GTF2E1: variants seen among roughly 807,000 people sequenced by gnomAD.
GTF2E1 encodes TFIIE alpha subunit.
A neutral mutation model predicts 34.9 loss-of-function variants in GTF2E1; 14 were observed. The observed-to-expected ratio is 0.40, with a 90% CI of 0.27 to 0.63. The LOEUF (loss-of-function observed/expected upper bound fraction) is 0.63, where lower values mean the gene tolerates loss of function less well. GTF2E1 is among the 20% of genes least tolerant of loss of function. GTF2E1 has a pLI of 0.39. For missense variants in GTF2E1, 469 were observed against 557.7 expected, an observed-to-expected ratio of 0.84 and a Z score of 1.60; for synonymous variants, 188 against 192.9, an observed-to-expected ratio of 0.97 and a Z score of 0.21.
intron 1 of GTF2E1, 74 bp downstream of exon 1, chr3:120,742,868 C>A: frequency 3.0e-6 from 1 of 330,982 alleles, no homozygotes; most frequent in Non-Finnish European, 5.8e-6. Context: ...TTCTTCCTTT[C>A]GCTCCCTCTT....
At chr3:120,758,018 G>T (rs1479986581) in intron 2 of GTF2E1, among the ~76,000 whole-genome samples, 1 of 152,106 alleles carries the variant, frequency 6.6e-6, no homozygotes, top group East Asian at 1.9e-4. Context: ...CAAAAAGCCA[G>T]GTGTGGTGGC....
chr3:120,745,685 C>G (rs1170704388), intron 1 of GTF2E1, among the ~76,000 whole-genome samples: 1 of 152,176 alleles, frequency 6.6e-6, no homozygotes, highest in African/African-American at 2.4e-5. Context: ...ATCCTGGAAA[C>G]AGGTTATGTT....
Position 120,770,945 on chromosome 3 carries a change from G to T in GTF2E1, c.650+16G>T. The stretch of plus-strand genomic sequence containing the variant: ...TGAAACAGAGGTGAGTGTAGGCCCT[G>T]TGCTCTTACTAAGAACACATTTCAA... On this transcript the variant is annotated intron_variant, in intron 3 of 4. Transcript: ENST00000283875. 6.2e-7 allele frequency: 1 copy of T among 1,603,638 alleles called. No individual in the cohort carries two copies. Among genetic ancestry groups the T allele is most frequent in the Non-Finnish European group, 8.5e-7 (1 of 1,170,610 alleles).
chr3:120,752,494 T>A (rs1310441954), intron 2 of GTF2E1, among the ~76,000 whole-genome samples: 2 of 152,198 alleles, frequency 1.3e-5, no homozygotes, highest in Non-Finnish European at 2.9e-5. Flanking sequence ...ATAACATGCT[T>A]CTACTACATT....
At chr3:120,745,389 A>G (rs1331126723) in intron 1 of GTF2E1, among the ~76,000 whole-genome samples, 4 of 152,154 alleles carry the variant, frequency 2.6e-5, no homozygotes, top group African/African-American at 9.7e-5. Flanking sequence ...AAACAGGCTG[A>G]GCAATAAGTG....
At chr3:120,755,665 A>G (rs185502905) in intron 2 of GTF2E1, among the ~76,000 whole-genome samples, 190 of 152,292 alleles carry the variant, frequency 1.2e-3, no homozygotes, top group African/African-American at 4.4e-3. Context: ...TTTTAAATGT[A>G]TAATTATTGA....
At chr3:120,762,550 C>G (rs976966589) in intron 2 of GTF2E1, among the ~76,000 whole-genome samples, 3 of 152,168 alleles carry the variant, frequency 2.0e-5, no homozygotes, top group Admixed American at 1.3e-4. Context: ...GCTTGGTCAA[C>G]TTTTCATAAT....
rs1709458839 is a variant in GTF2E1, at chr3:120,782,726, ACAT to A, written c.*1260_*1262del. The A allele has an allele frequency of 6.6e-6, 1 of 152,146 alleles. No individual in the cohort carries two copies. Among genetic ancestry groups the A allele is most frequent in the Admixed American group, 6.5e-5 (1 of 15,276 alleles). 9.4% of individuals were successfully genotyped at this position (152,146 alleles called of 1,614,324 possible). A position where few individuals can be genotyped will look rare whatever the true frequency, so the allele number is the denominator to read the frequency against. On this transcript the variant is annotated 3_prime_UTR_variant, in exon 5 of 5. Transcript: ENST00000283875. ...TCTCTGTCACTCTCCCTCTTTCTAA[ACAT>A]CATTGAAGGCTGTCTCTCTTTTAAT...
At chr3:120,755,754 C>T (rs1277086908) in intron 2 of GTF2E1, among the ~76,000 whole-genome samples, 1 of 151,990 alleles carries the variant, frequency 6.6e-6, no homozygotes, top group Non-Finnish European at 1.5e-5. Context: ...GTTAGCCATC[C>T]CCCATCCCTA....
At chr3:120,779,277 ATAT>A (rs1709427503) in intron 4 of GTF2E1, among the ~76,000 whole-genome samples, 1 of 152,090 alleles carries the variant, frequency 6.6e-6, no homozygotes, top group African/African-American at 2.4e-5. Context: ...TACTGTGTTG[ATAT>A]TATTAAACTA....
At chr3:120,771,021 T>C in intron 3 of GTF2E1, 92 bp downstream of exon 3, 5 of 1,000,206 alleles carry the variant, frequency 5.0e-6, no homozygotes, top group Non-Finnish European at 6.4e-6. Context: ...GTGGGTAATT[T>C]ACTAGGAGAC....
chr3:120,751,192 G>C, intron 2 of GTF2E1, 192 bp downstream of exon 2: 1 of 520,370 alleles, frequency 1.9e-6, no homozygotes, highest in East Asian at 3.0e-5. Context: ...TTTGCAAAGC[G>C]TTTCTCCTTT....
At chr3:120,744,656 G>A (rs571441715) in intron 1 of GTF2E1, among the ~76,000 whole-genome samples, 1 of 151,458 alleles carries the variant, frequency 6.6e-6, no homozygotes, top group East Asian at 1.9e-4. Context: ...TTTTTTTTCT[G>A]TAATAACTTT....
intron 2 of GTF2E1, among the ~76,000 whole-genome samples, chr3:120,754,479 C>T (rs919138845): frequency 1.3e-5 from 2 of 151,994 alleles, no homozygotes; most frequent in Non-Finnish European, 2.9e-5. Context: ...TTTCCTTTCC[C>T]CTCCTTTTGG....
intron 1 of GTF2E1, among the ~76,000 whole-genome samples, chr3:120,745,455 T>C (rs1050619638): frequency 6.6e-6 from 1 of 152,124 alleles, no homozygotes; most frequent in Non-Finnish European, 1.5e-5. Context: ...ATAGGGACTT[T>C]TGCTGCATAG....
chr3:120,766,150 A>T (rs1277120807), intron 2 of GTF2E1, among the ~76,000 whole-genome samples: 1 of 152,124 alleles, frequency 6.6e-6, no homozygotes, highest in Non-Finnish European at 1.5e-5. Flanking sequence ...TAGGCATCAG[A>T]ATTCCTTGTG....
chr3:120,762,852 T>C (rs1709276196), intron 2 of GTF2E1, among the ~76,000 whole-genome samples: 1 of 152,208 alleles, frequency 6.6e-6, no homozygotes, highest in Admixed American at 6.5e-5. Context: ...ACTCTAGTTT[T>C]ATACTTACTC....
chr3:120,759,491 T>C (rs1300653986), intron 2 of GTF2E1, among the ~76,000 whole-genome samples: 1 of 152,198 alleles, frequency 6.6e-6, no homozygotes, highest in Non-Finnish European at 1.5e-5. Flanking sequence ...ACTTTTGGTG[T>C]TTTAGTCATG....
intron 1 of GTF2E1, 60 bp downstream of exon 1, chr3:120,742,854 T>TTTC (rs1709068506): frequency 5.8e-6 from 2 of 345,976 alleles, no homozygotes; most frequent in South Asian, 5.3e-5. Context: ...CATTTCATGA[T>TTTC]TTCTTCTTCC....
Sources: allele counts gnomAD v4.1 joint callset (sites outside exome capture counted in the v4.1 genomes callset), GRCh38; gene constraint gnomAD v4.1.1; transcripts MANE v1.5; gene names NCBI Gene and HGNC (gene_info 2026-07-23, HGNC 2026-07-21).